Variants in PLXNA4 observed in about 807,000 individuals in gnomAD.
The protein encoded by PLXNA4 is plexin-A4.
Under a neutral mutation model 191.8 loss-of-function variants are expected in PLXNA4, and 44 were observed. That is an observed-to-expected ratio of 0.23 (90% CI 0.18 to 0.29). The LOEUF is 0.29. Ranked by LOEUF, PLXNA4 falls within the 10% of genes least tolerant of loss-of-function variation. The pLI is 1.00. For synonymous variants in PLXNA4, 1,082 were observed against 1,009.5 expected, an observed-to-expected ratio of 1.07 and a Z score of -1.36; for missense variants, 1,800 against 2,488.8, an observed-to-expected ratio of 0.72 and a Z score of 5.89.
chr7:132,562,844 T>C (rs370930547), intron 1 of PLXNA4, among the ~76,000 whole-genome samples: 27 of 51,372 alleles, frequency 5.3e-4, no homozygotes, highest in South Asian at 8.9e-4. Flanking sequence ...CCTCCTTCTC[T>C]TCCTTTCTCC....
chr7:132,592,232 G>A lies in PLXNA4; in HGVS notation c.-87+53696C>T, dbSNP rs115838050. On this transcript the variant is annotated intron_variant, in intron 2 of 4. Coordinates refer to the PLXNA4 transcript ENST00000378539. ...CCATCTGCCCTCATCTTCCTTTGCA[G>A]CTACTCAAAGCACTTTAGAAAGAGC... Among the ~76,000 whole-genome samples the A allele has an allele frequency of 5.7e-3, 868 of 152,228 alleles. 13 individuals are homozygous for A. Among genetic ancestry groups the A allele is most frequent in the African/African-American group, 0.019 (792 of 41,526 alleles).
intron 1 of PLXNA4, among the ~76,000 whole-genome samples, chr7:132,564,108 T>C (rs1268185061): frequency 4.8e-4 from 36 of 75,562 alleles, no homozygotes; most frequent in East Asian, 1.0e-3. Flanking sequence ...TCCTCCTCCT[T>C]CTCCTCCTCC....
intron 1 of PLXNA4, among the ~76,000 whole-genome samples, chr7:132,518,301 A>T (rs1799022612): frequency 6.6e-6 from 1 of 152,182 alleles, no homozygotes; most frequent in Non-Finnish European, 1.5e-5. Flanking sequence ...CTAGGGGGAA[A>T]AGTCAAGTCA....
At chr7:132,588,311 C>G (rs1212311803) in intron 2 of PLXNA4, among the ~76,000 whole-genome samples, 1 of 151,966 alleles carries the variant, frequency 6.6e-6, no homozygotes, top group Non-Finnish European at 1.5e-5. Flanking sequence ...CAATGGCATT[C>G]TTATCTCTCC....
chr7:132,424,034 C>T (rs557248122), intron 3 of PLXNA4, among the ~76,000 whole-genome samples: 6 of 152,172 alleles, frequency 3.9e-5, no homozygotes, highest in East Asian at 1.9e-4. Context: ...CCTCTAACCA[C>T]GAGCAGGGGT....
chr7:132,615,691 T>G (rs1803139415), intron 2 of PLXNA4, among the ~76,000 whole-genome samples: 1 of 152,194 alleles, frequency 6.6e-6, no homozygotes, highest in Non-Finnish European at 1.5e-5. Flanking sequence ...ACGCTTTTCA[T>G]GTCCCAAAGC....
At chr7:132,266,715 T>A (rs962312666) in intron 4 of PLXNA4, among the ~76,000 whole-genome samples, 2 of 152,234 alleles carry the variant, frequency 1.3e-5, no homozygotes, top group African/African-American at 4.8e-5. Context: ...ACGTGCTTAC[T>A]GTCTTTCTGC....
intron 5 of PLXNA4, among the ~76,000 whole-genome samples, chr7:132,230,165 C>T (rs184352684): frequency 1.3e-5 from 2 of 152,128 alleles, no homozygotes; most frequent in African/African-American, 2.4e-5. Flanking sequence ...CATTGTCTAG[C>T]GTTTAAGTCT....
At chr7:132,281,178 A>G (rs1000875747) in intron 4 of PLXNA4, among the ~76,000 whole-genome samples, 2 of 152,176 alleles carry the variant, frequency 1.3e-5, no homozygotes, top group African/African-American at 4.8e-5. Context: ...ACAAGGCTCT[A>G]AGGTCTAAGG....
intron 3 of PLXNA4, among the ~76,000 whole-genome samples, chr7:132,364,011 C>T (rs996125787): frequency 2.6e-5 from 4 of 152,258 alleles, no homozygotes; most frequent in African/African-American, 9.6e-5. Context: ...AATCCATCCC[C>T]TTTGCCACTC....
chr7:132,354,730 A>T (rs541300348), intron 3 of PLXNA4, among the ~76,000 whole-genome samples: 2 of 152,306 alleles, frequency 1.3e-5, no homozygotes, highest in South Asian at 4.1e-4. Flanking sequence ...TCCTCCCTCC[A>T]CTTAGCAACC....
chr7:132,217,031 A>G (rs73155291), intron 9 of PLXNA4, among the ~76,000 whole-genome samples: 7,094 of 152,258 alleles, frequency 0.047, 203 homozygotes, highest in African/African-American at 0.074. Flanking sequence ...CTAAGAATGC[A>G]GGGGGGTGAG....
At chr7:132,371,338 C>T (rs920284073) in intron 3 of PLXNA4, among the ~76,000 whole-genome samples, 1 of 152,092 alleles carries the variant, frequency 6.6e-6, no homozygotes, top group African/African-American at 2.4e-5. Context: ...CTGAGATGGC[C>T]CAAGACCCTC....
intron 3 of PLXNA4, chr7:132,384,685 C>T (rs1046324492): frequency 4.6e-5 from 46 of 1,004,948 alleles, no homozygotes; most frequent in South Asian, 8.3e-5. Flanking sequence ...TGCTGCAGTA[C>T]GGTGGGCTCC....
In PLXNA4 at chr7:132,560,877, C is replaced by T. The variant is rs192727613; in HGVS notation, c.-87+15545G>A. Reference sequence around the variant, plus strand: ...TCCTACGATGCACTTCTCAGATCAGCCCCTTTCTCTCCTTTGCCACCCCCT... The same window carrying T: ...TCCTACGATGCACTTCTCAGATCAGTCCCTTTCTCTCCTTTGCCACCCCCT... On this transcript the variant is annotated intron_variant, in intron 1 of 31. Transcript: ENST00000321063. Among the ~76,000 whole-genome samples the T allele has an allele frequency of 6.6e-5, 10 of 152,288 alleles. No homozygotes were observed. The East Asian group carries it at 1.9e-3, about 29-fold the overall frequency.
intron 3 of PLXNA4, among the ~76,000 whole-genome samples, chr7:132,452,073 G>A (rs1796144162): frequency 1.3e-5 from 2 of 152,212 alleles, no homozygotes; most frequent in Non-Finnish European, 2.9e-5. Context: ...AGAGTTTCTT[G>A]CCCTTTTCTT....
At chr7:132,382,084 G>A (rs1463301481) in intron 3 of PLXNA4, among the ~76,000 whole-genome samples, 1 of 152,200 alleles carries the variant, frequency 6.6e-6, no homozygotes, top group Non-Finnish European at 1.5e-5. Flanking sequence ...AGAAAAGAAA[G>A]CTGGGGACTT....
At chr7:132,404,650 G>A (rs1293783977) in intron 3 of PLXNA4, among the ~76,000 whole-genome samples, 1 of 152,212 alleles carries the variant, frequency 6.6e-6, no homozygotes, top group Non-Finnish European at 1.5e-5. Flanking sequence ...ATCCTAATGA[G>A]CAATATGATC....
chr7:132,478,996 G>T (rs753413719), intron 3 of PLXNA4, among the ~76,000 whole-genome samples: 7 of 152,104 alleles, frequency 4.6e-5, no homozygotes, highest in Non-Finnish European at 8.8e-5. Flanking sequence ...GGCCAGACAT[G>T]GTAGCTCATA....
Sources: allele counts gnomAD v4.1 joint callset (sites outside exome capture counted in the v4.1 genomes callset), GRCh38; gene constraint gnomAD v4.1.1; transcripts MANE v1.5; gene names NCBI Gene and HGNC (gene_info 2026-07-23, HGNC 2026-07-21).